LAS1L: variants seen among roughly 807,000 people sequenced by gnomAD.
LAS1L encodes the protein ribosomal biogenesis protein LAS1L.
Under a neutral mutation model 57.3 loss-of-function variants are expected in LAS1L, and 5 were observed. The observed-to-expected ratio is 0.09, with a 90% CI of 0.05 to 0.18. LAS1L has a LOEUF of 0.18. Among genes scored for constraint, LAS1L ranks in the 10% least tolerant of loss-of-function variants. The pLI, the probability that LAS1L is intolerant of heterozygous loss-of-function variation, is 1.00. For missense variants in LAS1L, 360 were observed against 568.3 expected, an observed-to-expected ratio of 0.63 and a Z score of 3.73; for synonymous variants, 245 against 231.7, an observed-to-expected ratio of 1.06 and a Z score of -0.52.
Position 65,525,701 on chromosome X carries a change from G to A in LAS1L, c.957-651C>T, listed in dbSNP as rs1246980547. On this transcript the variant is annotated intron_variant, in intron 7 of 13. Transcript: ENST00000374811. The stretch of plus-strand genomic sequence containing the variant: ...TTATTGGAACGCTAAGCTTGTGGGA[G>A]TTATTTATATCCTACTGCTCAAGGT... 7.7e-5 allele frequency among the ~76,000 whole-genome samples: 7 copies of A among 90,966 alleles called. No individual in the cohort carries two copies. In the East Asian group the frequency reaches 2.4e-3, roughly 31 times the overall value. 79.0% of individuals were successfully genotyped at this position (90,966 alleles called of 115,157 possible).
In LAS1L at chrX:65,533,598, T is replaced by C; in HGVS notation, c.362+12A>G. The C allele has an allele frequency of 3.3e-6, 4 of 1,209,106 alleles. No homozygotes were observed. On this transcript the variant is annotated intron_variant, in intron 2 of 13. Coordinates refer to ENST00000374811, the MANE Select transcript of LAS1L (RefSeq NM_031206.7). ...AAAGCCAACCTCCACCCCTACCCCATGCAGGTCTTACCTGACCAATGCCAT... is the reference window on the plus strand; with the variant it reads ...AAAGCCAACCTCCACCCCTACCCCACGCAGGTCTTACCTGACCAATGCCAT...
At chrX:65,532,467 G>A in intron 3 of LAS1L, 94 bp downstream of exon 3, 1 of 640,657 alleles carries the variant, frequency 1.6e-6, no homozygotes, top group Non-Finnish European at 2.6e-6. Flanking sequence ...GTGATGGGAT[G>A]AGCTAGTCTG....
At chrX:65,514,244 G>A (rs2068545544) in intron 13 of LAS1L, among the ~76,000 whole-genome samples, 2 of 111,183 alleles carry the variant, frequency 1.8e-5, no homozygotes, top group African/African-American at 6.6e-5. Flanking sequence ...TGGCTCCCTG[G>A]TGACCCAAGG....
intron 11 of LAS1L, chrX:65,521,391 G>T: frequency 2.2e-6 from 1 of 444,951 alleles, no homozygotes; most frequent in Non-Finnish European, 2.8e-6. Flanking sequence ...GACAGCTGAT[G>T]TAGAGTCCTT....
intron 12 of LAS1L, 40 bp from the exon 13 acceptor site, chrX:65,515,013 C>T (rs1376257598): frequency 8.5e-7 from 1 of 1,177,375 alleles, no homozygotes; most frequent in Non-Finnish European, 1.1e-6. Flanking sequence ...GGCTGATGAG[C>T]TGGTTCTCCG....
chrX:65,533,827 C>T, intron 1 of LAS1L, 92 bp from the exon 2 acceptor site: 1 of 969,862 alleles, frequency 1.0e-6, no homozygotes, highest in African/African-American at 1.9e-5. Context: ...CTACACCCAT[C>T]ATATTCTGGT....
chrX:65,524,114 G>T lies in LAS1L; in HGVS notation c.1242C>A (p.Ile414=), dbSNP rs1265479027. ...TCCATCTGAGGATGTAGGTAGGCCG[G>T]ATCCCGCTGATCCCCAAGGCTGGCA... The part of the protein sequence containing the change: ...SELPALGISG[I]RPTYILRWTV... The change falls in exon 10 of 14, where the codon ATC becomes ATA. Residue 414 remains isoleucine, a synonymous_variant. Transcript: ENST00000374811. 1.7e-6 allele frequency: 2 copies of T among 1,210,746 alleles called. No individual in the cohort carries two copies. The highest frequency in any genetic ancestry group is 3.5e-5 in the South Asian group (2 of 56,730).
At chrX:65,532,992 G>C (rs2069577454) in intron 2 of LAS1L, among the ~76,000 whole-genome samples, 1 of 112,433 alleles carries the variant, frequency 8.9e-6, no homozygotes. Flanking sequence ...AATAAGAAGA[G>C]AAAGGGAGGA....
At chrX:65,522,505 G>T (rs1429580666) in intron 11 of LAS1L, 5 of 111,229 alleles carry the variant, frequency 4.5e-5, no homozygotes, top group African/African-American at 1.6e-4. Flanking sequence ...TGAGGAGCAG[G>T]GGAAGCAGAA....
At chrX:65,517,547 G>A (rs780501515) in intron 12 of LAS1L, among the ~76,000 whole-genome samples, 11 of 110,965 alleles carry the variant, frequency 9.9e-5, no homozygotes, top group Non-Finnish European at 1.5e-4. Context: ...CACCACGCCC[G>A]GTCTCCTAGG....
intron 7 of LAS1L, among the ~76,000 whole-genome samples, chrX:65,525,765 A>AAAAAAAAAAAAAAAAAAG (rs1556309415): frequency 1.9e-5 from 2 of 107,511 alleles, no homozygotes; most frequent in African/African-American, 7.1e-5. Flanking sequence ...AAAAAAAAAA[A>AAAAAAAAAAAAAAAAAAG]AAAGAAAGAA....
chrX:65,529,457 G>A (rs2069350976), intron 5 of LAS1L, 137 bp downstream of exon 5: 3 of 779,579 alleles, frequency 3.8e-6, no homozygotes, highest in Non-Finnish European at 5.5e-6. Flanking sequence ...CAGGAGGATG[G>A]TTTGTGACAG....
At chrX:65,515,470 TCTA>T (rs758014395) in intron 12 of LAS1L, among the ~76,000 whole-genome samples, 68 of 110,178 alleles carry the variant, frequency 6.2e-4, no homozygotes, top group African/African-American at 2.0e-3. Context: ...TTCCTACAAA[TCTA>T]CACACACACT....
At chrX:65,518,603 T>C (rs1444971581) in intron 11 of LAS1L, 138 bp from the exon 12 acceptor site, 11 of 960,724 alleles carry the variant, frequency 1.1e-5, no homozygotes, top group South Asian at 1.0e-4. Flanking sequence ...AGACAGAACA[T>C]AGAAACAACA....
rs145897105 is a variant in LAS1L, at chrX:65,529,808, C to A, written c.585G>T (p.Glu195Asp). The A allele has an allele frequency of 8.3e-7, 1 of 1,211,361 alleles. No homozygotes were observed. Among genetic ancestry groups the A allele is most frequent in the Non-Finnish European group, 1.1e-6 (1 of 895,178 alleles). Residue 195 changes from glutamate to aspartate, a missense_variant, in exon 5 of 14, where the codon GAG becomes GAT. Physicochemically the swap from Glu to Asp is conservative, Grantham distance 45 (BLOSUM62 2). Transcript: ENST00000374811. Reference sequence around the variant, plus strand: ...CCCTGAACTCCTCCAACTCCCAGGTCTCTCTCAGGCTGTTCTCCAGTTGGC... The same window carrying A: ...CCCTGAACTCCTCCAACTCCCAGGTATCTCTCAGGCTGTTCTCCAGTTGGC... ...WCRQLENSLR[E>D]TWELEEFREG...
At chrX:65,524,010 T>C in intron 10 of LAS1L, 46 bp downstream of exon 10, 3 of 1,126,034 alleles carry the variant, frequency 2.7e-6, no homozygotes, top group Non-Finnish European at 3.6e-6. Flanking sequence ...CAGAGGCTCC[T>C]GCCTGGGCTG....
intron 12 of LAS1L, among the ~76,000 whole-genome samples, chrX:65,516,764 C>T (rs748228863): frequency 9.0e-6 from 1 of 110,723 alleles, no homozygotes; most frequent in East Asian, 2.8e-4. Flanking sequence ...TTATTTGTCA[C>T]TGGGCTATGG....
intron 13 of LAS1L, among the ~76,000 whole-genome samples, chrX:65,513,423 C>T (rs2068515504): frequency 8.9e-6 from 1 of 112,231 alleles, no homozygotes; most frequent in Non-Finnish European, 1.9e-5. Flanking sequence ...ACTCTTGCTT[C>T]CCCTGCTTCC....
intron 11 of LAS1L, chrX:65,520,885 C>T: frequency 1.3e-6 from 1 of 754,171 alleles, no homozygotes. Flanking sequence ...GTCACTCCCT[C>T]CCTCCCATTA....
Sources: allele counts gnomAD v4.1 joint callset (sites outside exome capture counted in the v4.1 genomes callset), GRCh38; gene constraint gnomAD v4.1.1; transcripts MANE v1.5; gene names NCBI Gene and HGNC (gene_info 2026-07-23, HGNC 2026-07-21).